Variants in ERBB4 observed in about 807,000 individuals in gnomAD.
ERBB4 encodes the protein receptor tyrosine-protein kinase erbB-4.
A neutral mutation model predicts 158.0 loss-of-function variants in ERBB4; 42 were observed. That is an observed-to-expected ratio of 0.27 (90% confidence interval 0.21 to 0.34). ERBB4 has a LOEUF of 0.34. Among genes scored for constraint, ERBB4 ranks in the 10% least tolerant of loss-of-function variants. The pLI is 1.00. For synonymous variants in ERBB4, 583 were observed against 558.7 expected (o/e 1.04, Z -0.61); for missense variants, 1,333 against 1,624.1 (o/e 0.82, Z 3.08).
intron 1 of ERBB4, among the ~76,000 whole-genome samples, chr2:212,411,026 CTT>C (rs71898774): frequency 0.092 from 14,012 of 152,022 alleles, 877 homozygotes; most frequent in Non-Finnish European, 0.14. Flanking sequence ...ACATTTCAGT[CTT>C]AAAGGTATAA....
chr2:212,287,356 A>G (rs548802869), intron 1 of ERBB4, among the ~76,000 whole-genome samples: 1 of 152,300 alleles, frequency 6.6e-6, no homozygotes, highest in African/African-American at 2.4e-5. Context: ...TATAGGTGAG[A>G]AGACAGACAG....
chr2:212,389,846 TAAGAC>T (rs1432467982), intron 1 of ERBB4, among the ~76,000 whole-genome samples: 2 of 151,856 alleles, frequency 1.3e-5, no homozygotes, highest in African/African-American at 4.8e-5. Context: ...TAATTTTACA[TAAGAC>T]AGGTGAAATT....
At chr2:211,409,089 T>C (rs2063203497) in intron 25 of ERBB4, among the ~76,000 whole-genome samples, 1 of 152,180 alleles carries the variant, frequency 6.6e-6, no homozygotes. Flanking sequence ...CTTCCATCTT[T>C]TAATGAACTC....
intron 25 of ERBB4, among the ~76,000 whole-genome samples, chr2:211,408,293 A>G (rs1235528153): frequency 2.6e-5 from 4 of 152,316 alleles, no homozygotes; most frequent in African/African-American, 9.6e-5. Flanking sequence ...TTGTAGCAGT[A>G]ATACTAAAAA....
At chr2:212,101,863 C>A (rs1032721072) in intron 2 of ERBB4, among the ~76,000 whole-genome samples, 3 of 151,586 alleles carry the variant, frequency 2.0e-5, no homozygotes, top group Admixed American at 6.6e-5. Flanking sequence ...CCCTGTCTAC[C>A]GTCAACACAG....
intron 1 of ERBB4, among the ~76,000 whole-genome samples, chr2:212,389,596 T>C (rs1287968526): frequency 6.6e-6 from 1 of 152,022 alleles, no homozygotes; most frequent in Non-Finnish European, 1.5e-5. Flanking sequence ...ACACTGTGTA[T>C]TTGCTAAGCA....
Position 212,457,897 on chromosome 2 carries a change from T to C in ERBB4, c.82+80552A>G, listed in dbSNP as rs192342945. Reference sequence around the variant, plus strand: ...CTGGCAATATCCGTAGGCACCCTAGTAATATTTACAAGGATTTTTCTTTGC... The same window carrying C: ...CTGGCAATATCCGTAGGCACCCTAGCAATATTTACAAGGATTTTTCTTTGC... On this transcript the variant is annotated intron_variant, in intron 1 of 27. Coordinates refer to ENST00000342788, the MANE Select transcript of ERBB4 (RefSeq NM_005235.3). Among the ~76,000 whole-genome samples, 25 of 152,162 alleles carry C rather than the reference T, an allele frequency of 1.6e-4. 1 individual carries two copies. The East Asian group carries it at 4.8e-3, about 29-fold the overall frequency.
At chr2:212,038,628 A>AT (rs1200399323) in intron 2 of ERBB4, among the ~76,000 whole-genome samples, 1 of 152,076 alleles carries the variant, frequency 6.6e-6, no homozygotes, top group Non-Finnish European at 1.5e-5. Flanking sequence ...AAGAAAAATG[A>AT]TTTTTCTGAC....
intron 3 of ERBB4, among the ~76,000 whole-genome samples, chr2:211,919,961 A>G (rs533745519): frequency 2.1e-4 from 32 of 152,160 alleles, no homozygotes; most frequent in African/African-American, 7.7e-4. Context: ...TTTGAATTGT[A>G]CAGAAAACTA....
intron 3 of ERBB4, among the ~76,000 whole-genome samples, chr2:211,931,424 C>T (rs567596188): frequency 1.1e-4 from 17 of 151,954 alleles, no homozygotes; most frequent in African/African-American, 3.9e-4. Context: ...TAATTAAATG[C>T]TTGAACTTCA....
chr2:211,684,143 AG>A (rs1466907970), intron 12 of ERBB4, among the ~76,000 whole-genome samples: 1 of 152,034 alleles, frequency 6.6e-6, no homozygotes, highest in African/African-American at 2.4e-5. Context: ...GGAAGATGGG[AG>A]GGGGAGAAAT....
At chr2:211,849,145 C>T (rs1196673666) in intron 3 of ERBB4, among the ~76,000 whole-genome samples, 2 of 151,902 alleles carry the variant, frequency 1.3e-5, no homozygotes, top group Non-Finnish European at 2.9e-5. Context: ...ATATGGAAGA[C>T]ATATTTTCCT....
At chr2:211,521,948 A>G (rs2066196773) in intron 20 of ERBB4, among the ~76,000 whole-genome samples, 1 of 152,170 alleles carries the variant, frequency 6.6e-6, no homozygotes, top group South Asian at 2.1e-4. Context: ...ATAATGGCTA[A>G]TTGACAATAC....
intron 20 of ERBB4, among the ~76,000 whole-genome samples, chr2:211,530,940 A>G (rs1006423754): frequency 6.6e-6 from 1 of 152,134 alleles, no homozygotes. Context: ...TAACCAAAAC[A>G]GCATGGTACT....
At chr2:211,444,159 C>A (rs1184810644) in intron 20 of ERBB4, among the ~76,000 whole-genome samples, 2 of 139,002 alleles carry the variant, frequency 1.4e-5, no homozygotes, top group South Asian at 4.6e-4. Flanking sequence ...TAACATTTCA[C>A]TTTAATGTTT....
Position 211,728,354 on chromosome 2 carries a change from A to C in ERBB4, c.623-3160T>G, listed in dbSNP as rs974723866. On this transcript the variant is annotated intron_variant, in intron 5 of 27. Coordinates refer to ENST00000342788, the MANE Select transcript of ERBB4 (RefSeq NM_005235.3). ...TGATACACACATTATATATATATAT[A>C]TGATATGTACCCAAACAATTTGTAT... Among the ~76,000 whole-genome samples the C allele has an allele frequency of 8.8e-4, 134 of 151,856 alleles. 1 individual carries two copies. Among genetic ancestry groups the C allele is most frequent in the Non-Finnish European group, 3.5e-4 (24 of 67,732 alleles).
intron 19 of ERBB4, among the ~76,000 whole-genome samples, chr2:211,591,157 G>A (rs1252330629): frequency 1.3e-5 from 2 of 152,140 alleles, no homozygotes; most frequent in African/African-American, 2.4e-5. Flanking sequence ...GCAACCCTGG[G>A]AGCTAATTGG....
chr2:211,768,229 G>T (rs2075604009), intron 4 of ERBB4, among the ~76,000 whole-genome samples: 1 of 152,176 alleles, frequency 6.6e-6, no homozygotes, highest in African/African-American at 2.4e-5. Context: ...GGCTCTGAAG[G>T]CCTTGGGCAG....
intron 1 of ERBB4, among the ~76,000 whole-genome samples, chr2:212,467,860 G>T (rs1370651767): frequency 6.6e-6 from 1 of 152,218 alleles, no homozygotes; most frequent in Non-Finnish European, 1.5e-5. Context: ...CATGAAAGCA[G>T]CTGGAAGGAG....
Sources: gnomAD v4.1 joint callset for allele counts (sites outside exome capture counted in the v4.1 genomes callset) on GRCh38, gnomAD v4.1.1 for gene constraint, MANE v1.5 for transcripts, NCBI Gene and HGNC (gene_info 2026-07-23, HGNC 2026-07-21) for gene names.